LAMA2: variants seen among roughly 807,000 people sequenced by gnomAD.
The protein encoded by LAMA2 is laminin subunit alpha-2.
In LAMA2, 269 loss-of-function variants were observed where a neutral mutation model predicts 364.8. The ratio of observed to expected loss-of-function variants is 0.74; its 90% CI spans 0.67 to 0.82. The LOEUF is 0.82. Among genes scored for constraint, LAMA2 ranks in the 40% least tolerant of loss-of-function variants. LAMA2 has a pLI of 0.00. For synonymous variants in LAMA2, 1,379 were observed against 1,370.6 expected (o/e 1.01, Z -0.14); for missense variants, 3,807 against 3,873.2 (o/e 0.98, Z 0.45).
At chr6:128,997,006 C>A (rs926639047) in intron 1 of LAMA2, among the ~76,000 whole-genome samples, 1 of 152,102 alleles carries the variant, frequency 6.6e-6, no homozygotes, top group Non-Finnish European at 1.5e-5. Flanking sequence ...AACCATCATT[C>A]TCAGCAAACT....
intron 15 of LAMA2, among the ~76,000 whole-genome samples, chr6:129,263,154 C>G (rs1172476776): frequency 3.3e-5 from 5 of 152,126 alleles, no homozygotes; most frequent in Non-Finnish European, 4.4e-5. Flanking sequence ...TTTGTTCGTA[C>G]TTTCATTTAG....
chr6:129,009,102 G>C (rs951739174), intron 1 of LAMA2, among the ~76,000 whole-genome samples: 1 of 151,964 alleles, frequency 6.6e-6, no homozygotes, highest in African/African-American at 2.4e-5. Flanking sequence ...ATGCCATTGG[G>C]GTCTCATCTG....
Position 129,287,935 on chromosome 6 carries a change from C to A in LAMA2, c.2626C>A (p.Pro876Thr), listed in dbSNP as rs773724438. 5 of 1,613,988 alleles carry A rather than the reference C, an allele frequency of 3.1e-6. No homozygotes were observed. The highest frequency in any genetic ancestry group is 8.5e-7 in the Non-Finnish European group (1 of 1,179,976). The change falls in exon 19 of 65, where the codon CCT (proline) becomes ACT (threonine). Residue 876 changes from proline to threonine, a missense_variant. By Grantham distance (38) the Pro-to-Thr change is conservative (BLOSUM62 -1). Coordinates refer to ENST00000421865, the MANE Select transcript of LAMA2 (RefSeq NM_000426.4). ...QCNDNLDFSI[P>T]GSCDSLSGSC... is the part of the protein sequence containing the mutation. Reference sequence around the variant, plus strand: ...CAATGACAACCTTGACTTCTCCATCCCTGGCAGCTGTGACAGCTTGTCTGG... The same window carrying A: ...CAATGACAACCTTGACTTCTCCATCACTGGCAGCTGTGACAGCTTGTCTGG...
chr6:129,501,757 C>G (rs989847831), intron 58 of LAMA2, among the ~76,000 whole-genome samples: 1 of 152,124 alleles, frequency 6.6e-6, no homozygotes, highest in African/African-American at 2.4e-5. Context: ...TCATAAGCAG[C>G]CTGTATATCG....
intron 5 of LAMA2, 100 bp from the exon 6 acceptor site, chr6:129,146,859 G>T: frequency 1.2e-6 from 1 of 812,208 alleles, no homozygotes; most frequent in Non-Finnish European, 2.2e-6. Context: ...TTCAAACTAA[G>T]GATAAAAGCA....
intron 55 of LAMA2, among the ~76,000 whole-genome samples, chr6:129,484,240 G>A (rs1486504427): frequency 6.6e-6 from 1 of 152,126 alleles, no homozygotes; most frequent in African/African-American, 2.4e-5. Flanking sequence ...ATGGGATATC[G>A]AAACCATACT....
At position 128,994,297 on chromosome 6, in the gene LAMA2, G is replaced by A. The variant is rs1783789964; in HGVS notation, c.113-55621G>A. Among the ~76,000 whole-genome samples, 5 of 152,148 alleles carry A rather than the reference G, an allele frequency of 3.3e-5. No homozygotes were observed. In the South Asian group the frequency reaches 1.0e-3, roughly 32 times the overall value. ...CTAGACAGTGCAAACTTGTGAAGGA[G>A]GATGTTTTCAGTATATCACACTAGG... On this transcript the variant is annotated intron_variant, in intron 1 of 64. Coordinates refer to ENST00000421865, the MANE Select transcript of LAMA2 (RefSeq NM_000426.4).
intron 1 of LAMA2, among the ~76,000 whole-genome samples, chr6:129,025,124 G>C (rs1452434806): frequency 6.6e-6 from 1 of 152,128 alleles, no homozygotes; most frequent in African/African-American, 2.4e-5. Flanking sequence ...GAGTAAATTT[G>C]TTGAGGAGTC....
At position 129,300,891 on chromosome 6, in the gene LAMA2, T is replaced by A; in HGVS notation, c.3174+19T>A. The A allele has an allele frequency of 3.1e-6, 5 of 1,613,498 alleles. No homozygotes were observed. Among genetic ancestry groups the A allele is most frequent in the Non-Finnish European group, 4.2e-6 (5 of 1,179,460 alleles). Reference sequence around the variant, plus strand: ...TTGTAAGGTGAGTGAACCACTTTTTTGCTCTGATAATTTTTTGGAGAGATT... The same window carrying A: ...TTGTAAGGTGAGTGAACCACTTTTTAGCTCTGATAATTTTTTGGAGAGATT... On this transcript the variant is annotated intron_variant, in intron 22 of 64. Transcript: ENST00000421865.
chr6:129,074,966 A>G (rs111405714), intron 3 of LAMA2, among the ~76,000 whole-genome samples: 5 of 152,206 alleles, frequency 3.3e-5, no homozygotes, highest in African/African-American at 1.2e-4. Context: ...TTGAGCAACT[A>G]CTGTTTTTTA....
chr6:129,324,839 C>T (rs751359354), intron 28 of LAMA2, among the ~76,000 whole-genome samples: 1 of 152,112 alleles, frequency 6.6e-6, no homozygotes, highest in Non-Finnish European at 1.5e-5. Context: ...TATCATTGAC[C>T]AAAATGTCAT....
At chr6:129,201,915 C>G (rs563085681) in intron 12 of LAMA2, among the ~76,000 whole-genome samples, 11 of 152,018 alleles carry the variant, frequency 7.2e-5, no homozygotes, top group Admixed American at 3.3e-4. Context: ...CATGGCCAGG[C>G]GCGGTGGCTC....
intron 12 of LAMA2, among the ~76,000 whole-genome samples, chr6:129,197,671 A>G (rs1329737224): frequency 1.3e-5 from 2 of 152,234 alleles, no homozygotes; most frequent in Non-Finnish European, 2.9e-5. Flanking sequence ...ACCTTGCCAA[A>G]TAAACCTCTA....
chr6:129,360,235 G>A (rs982285857), intron 32 of LAMA2, among the ~76,000 whole-genome samples: 57 of 152,102 alleles, frequency 3.7e-4, no homozygotes, highest in African/African-American at 1.3e-3. Context: ...AAGAACAGTT[G>A]TTTACAGAAT....
Position 129,129,942 on chromosome 6 carries a change from A to AG in LAMA2, c.640-13959_640-13958insG, listed in dbSNP as rs1326787401. The stretch of plus-strand genomic sequence containing the variant: ...CCGTCTCAAAAAAAAAAAAAAAAAA[A>AG]ATAACATATTTTAGAGACTCAGTAA... On this transcript the variant is annotated intron_variant, in intron 4 of 64. Transcript: ENST00000421865. Among the ~76,000 whole-genome samples the AG allele has an allele frequency of 2.6e-5, 4 of 151,870 alleles. No individual in the cohort carries two copies. In the East Asian group the frequency reaches 7.7e-4, roughly 29 times the overall value.
At chr6:129,241,998 G>C (rs570462505) in intron 12 of LAMA2, among the ~76,000 whole-genome samples, 1 of 152,164 alleles carries the variant, frequency 6.6e-6, no homozygotes, top group East Asian at 1.9e-4. Context: ...TGCTTTTCTG[G>C]GAAATACGTT....
chr6:129,210,297 C>T (rs1562335592), intron 12 of LAMA2, among the ~76,000 whole-genome samples: 1 of 152,076 alleles, frequency 6.6e-6, no homozygotes, highest in Non-Finnish European at 1.5e-5. Context: ...AATAGTCTAT[C>T]CTGTACAAGG....
chr6:129,195,934 T>C (rs1311521267), intron 12 of LAMA2, among the ~76,000 whole-genome samples: 1 of 152,178 alleles, frequency 6.6e-6, no homozygotes, highest in Non-Finnish European at 1.5e-5. Context: ...TCTGAAATAG[T>C]TGAGGCAGCT....
At chr6:129,094,064 A>G (rs1452261452) in intron 3 of LAMA2, among the ~76,000 whole-genome samples, 1 of 152,252 alleles carries the variant, frequency 6.6e-6, no homozygotes, top group Non-Finnish European at 1.5e-5. Flanking sequence ...AAAGTAGCAT[A>G]GAAAACATTA....
Sources: gnomAD v4.1 joint callset for allele counts (sites outside exome capture counted in the v4.1 genomes callset) on GRCh38, gnomAD v4.1.1 for gene constraint, MANE v1.5 for transcripts, NCBI Gene and HGNC (gene_info 2026-07-23, HGNC 2026-07-21) for gene names.